DLGAP1: variants seen among roughly 807,000 people sequenced by gnomAD.
The protein encoded by DLGAP1 is DLG associated protein 1, also known as disks large-associated protein 1.
In DLGAP1, 11 loss-of-function variants were observed where a neutral mutation model predicts 90.8. That is an observed-to-expected ratio of 0.12 (90% CI 0.08 to 0.20). The LOEUF is 0.20. Ranked by LOEUF, DLGAP1 falls within the 10% of genes least tolerant of loss-of-function variation. The probability of loss-of-function intolerance (pLI) is 1.00; values close to 1 mark genes in which losing one functional copy is unlikely to be tolerated. For missense variants in DLGAP1, 1,050 were observed against 1,333.8 expected (o/e 0.79, Z 3.31); for synonymous variants, 558 against 540.7 (o/e 1.03, Z -0.44).
intron 7 of DLGAP1, among the ~76,000 whole-genome samples, chr18:3,702,096 T>G (rs928095478): frequency 2.6e-5 from 4 of 152,194 alleles, no homozygotes; most frequent in Admixed American, 2.0e-4. Flanking sequence ...TTGTCCCCCA[T>G]GCTGGAGGGC....
At chr18:3,839,437 A>G (rs2068583777) in intron 4 of DLGAP1, among the ~76,000 whole-genome samples, 1 of 152,208 alleles carries the variant, frequency 6.6e-6, no homozygotes, top group Non-Finnish European at 1.5e-5. Context: ...AGGCATTGGT[A>G]GCATGGGAGC....
At chr18:4,446,491 T>C (rs941472597) in intron 1 of DLGAP1, among the ~76,000 whole-genome samples, 1 of 152,114 alleles carries the variant, frequency 6.6e-6, no homozygotes, top group African/African-American at 2.4e-5. Context: ...ACCACCTTGC[T>C]CTCTAACGTA....
At chr18:3,615,682 A>G (rs1368000179) in intron 7 of DLGAP1, among the ~76,000 whole-genome samples, 1 of 152,074 alleles carries the variant, frequency 6.6e-6, no homozygotes. Context: ...CAGTAGCTAA[A>G]ATTTCTCAAG....
chr18:3,514,797 C>T (rs986344453), intron 10 of DLGAP1, among the ~76,000 whole-genome samples: 3 of 152,192 alleles, frequency 2.0e-5, no homozygotes, highest in Non-Finnish European at 4.4e-5. Context: ...TCATAATCTT[C>T]TTGCGGAGGG....
chr18:3,572,077 T>G (rs2054828420), intron 8 of DLGAP1, among the ~76,000 whole-genome samples: 1 of 144,876 alleles, frequency 6.9e-6, no homozygotes, highest in Admixed American at 6.9e-5. Context: ...AGGTTTTTTT[T>G]TTTTTTTTTT....
intron 11 of DLGAP1, among the ~76,000 whole-genome samples, chr18:3,503,001 T>G (rs2050025016): frequency 1.3e-5 from 2 of 151,416 alleles, no homozygotes; most frequent in African/African-American, 4.9e-5. Flanking sequence ...AAAAAAAAAA[T>G]ACAGTGTATT....
In DLGAP1 at chr18:3,561,999, C is replaced by A. The variant is rs1052003450; in HGVS notation, c.2057+5491G>T. ...ATCCCAGCACTTTGGGAGGCCGAGG[C>A]GGGAAGATCATAAGGTCAGGAGTTT... On this transcript the variant is annotated intron_variant, in intron 9 of 12. Transcript: ENST00000315677. Among the ~76,000 whole-genome samples the A allele has an allele frequency of 2.0e-5, 3 of 150,298 alleles. No individual in the cohort carries two copies. In the East Asian group the frequency reaches 5.8e-4, roughly 29 times the overall value.
At chr18:4,165,806 T>C (rs994905311) in intron 1 of DLGAP1, among the ~76,000 whole-genome samples, 1 of 152,008 alleles carries the variant, frequency 6.6e-6, no homozygotes, top group Non-Finnish European at 1.5e-5. Flanking sequence ...CTCAAAACCA[T>C]TATAGAGAAA....
intron 1 of DLGAP1, among the ~76,000 whole-genome samples, chr18:4,359,986 G>A (rs1881927275): frequency 6.6e-6 from 1 of 152,226 alleles, no homozygotes; most frequent in Admixed American, 6.5e-5. Flanking sequence ...TCTAGGTTCT[G>A]TCTTGAGTAG....
At chr18:4,222,018 A>T (rs2078088028) in intron 1 of DLGAP1, among the ~76,000 whole-genome samples, 1 of 152,018 alleles carries the variant, frequency 6.6e-6, no homozygotes, top group South Asian at 2.1e-4. Context: ...AGTCCTTCTC[A>T]TTCCCCATTT....
chr18:3,669,173 C>A (rs2059990107), intron 7 of DLGAP1, among the ~76,000 whole-genome samples: 1 of 143,976 alleles, frequency 6.9e-6, no homozygotes, highest in African/African-American at 2.5e-5. Flanking sequence ...GGGTTCCAGA[C>A]CTTCCAGATG....
At chr18:4,087,912 ATC>A (rs1265819769) in intron 2 of DLGAP1, among the ~76,000 whole-genome samples, 1 of 152,062 alleles carries the variant, frequency 6.6e-6, no homozygotes, top group East Asian at 1.9e-4. Context: ...GACCATTGAC[ATC>A]TGTGTCACTG....
chr18:4,351,581 G>A (rs1198971858), intron 1 of DLGAP1, among the ~76,000 whole-genome samples: 1 of 152,052 alleles, frequency 6.6e-6, no homozygotes, highest in Non-Finnish European at 1.5e-5. Context: ...TTGAATCCAT[G>A]GCACGTGAAA....
At chr18:3,543,576 C>T (rs1029458647) in intron 9 of DLGAP1, among the ~76,000 whole-genome samples, 3 of 152,106 alleles carry the variant, frequency 2.0e-5, no homozygotes, top group Non-Finnish European at 2.9e-5. Flanking sequence ...CCTATATGGA[C>T]GACTTCTGTG....
chr18:3,741,911 C>T (rs1359615653), intron 6 of DLGAP1, among the ~76,000 whole-genome samples: 5 of 151,266 alleles, frequency 3.3e-5, no homozygotes, highest in East Asian at 3.9e-4. Flanking sequence ...GACGTGATCT[C>T]GGTTCACTGC....
chr18:3,764,936 C>A (rs1012366852), intron 5 of DLGAP1, among the ~76,000 whole-genome samples: 1 of 151,960 alleles, frequency 6.6e-6, no homozygotes, highest in African/African-American at 2.4e-5. Flanking sequence ...TCAGGGGCCA[C>A]AGGGAAGAAC....
intron 2 of DLGAP1, among the ~76,000 whole-genome samples, chr18:4,148,135 CA>C (rs2144374016): frequency 6.6e-6 from 1 of 152,054 alleles, no homozygotes; most frequent in Admixed American, 6.6e-5. Flanking sequence ...TAAAAGGAAA[CA>C]AAACAAAACA....
intron 1 of DLGAP1, among the ~76,000 whole-genome samples, chr18:4,425,919 G>A (rs918187704): frequency 5.3e-5 from 8 of 152,096 alleles, no homozygotes; most frequent in Non-Finnish European, 8.8e-5. Context: ...TTCCTTGAGG[G>A]CAGGAATCCT....
chr18:4,028,295 T>C (rs2074735963), intron 2 of DLGAP1, among the ~76,000 whole-genome samples: 1 of 152,206 alleles, frequency 6.6e-6, no homozygotes, highest in African/African-American at 2.4e-5. Context: ...AGCATATTTA[T>C]ATAAAAAAAT....
Sources: gnomAD v4.1 joint callset for allele counts (sites outside exome capture counted in the v4.1 genomes callset) on GRCh38, gnomAD v4.1.1 for gene constraint, MANE v1.5 for transcripts, NCBI Gene and HGNC (gene_info 2026-07-23, HGNC 2026-07-21) for gene names.